SMARCA2: variants seen among roughly 807,000 people sequenced by gnomAD.
SMARCA2 encodes SWI/SNF-related matrix-associated actin-dependent regulator of chromatin subfamily A member 2.
Under a neutral mutation model 199.8 loss-of-function variants are expected in SMARCA2, and 61 were observed. The ratio of observed to expected loss-of-function variants is 0.31; its 90% CI spans 0.25 to 0.38. The LOEUF is 0.38. Among genes scored for constraint, SMARCA2 ranks in the 10% least tolerant of loss-of-function variants. The pLI, the probability that SMARCA2 is intolerant of heterozygous loss-of-function variation, is 1.00. For synonymous variants in SMARCA2, 935 were observed against 732.0 expected (o/e 1.28, Z -4.48); for missense variants, 1,344 against 2,012.2 (o/e 0.67, Z 6.35).
chr9:2,097,491 T>C lies in SMARCA2; in HGVS notation c.3078+20T>C. The C allele has an allele frequency of 6.7e-7, 1 of 1,491,124 alleles. No individual in the cohort carries two copies. The highest frequency in any genetic ancestry group is 9.3e-7 in the Non-Finnish European group (1 of 1,072,174). 92.4% of individuals were successfully genotyped at this position (1,491,124 alleles called of 1,614,324 possible). A position where few individuals can be genotyped will look rare whatever the true frequency, so the allele number is the denominator to read the frequency against. On this transcript the variant is annotated intron_variant, in intron 21 of 33. Transcript: ENST00000349721. ...ATTGAGGTAAGTCTGTATTGTGTGT[T>C]TTGAGCCTGATTGTGCTAATCATAC...
At chr9:2,143,433 T>C (rs1243511481) in intron 27 of SMARCA2, among the ~76,000 whole-genome samples, 2 of 152,186 alleles carry the variant, frequency 1.3e-5, no homozygotes, top group African/African-American at 4.8e-5. Context: ...GATGTGTCCC[T>C]CTGTTTAAGC....
intron 27 of SMARCA2, among the ~76,000 whole-genome samples, chr9:2,142,034 G>A (rs747809243): frequency 1.3e-5 from 2 of 152,110 alleles, no homozygotes; most frequent in Non-Finnish European, 2.9e-5. Context: ...GCCCCTTAGT[G>A]GACTTCCTTC....
chr9:2,094,404 C>G (rs1227938839), intron 19 of SMARCA2, among the ~76,000 whole-genome samples: 4 of 152,192 alleles, frequency 2.6e-5, no homozygotes, highest in Admixed American at 2.0e-4. Context: ...TCCTTCACCT[C>G]CAGCCCTTAG....
At chr9:2,176,183 T>TTTTTTTTTTTTTTG (rs1491564466) in intron 29 of SMARCA2, among the ~76,000 whole-genome samples, 4 of 88,452 alleles carry the variant, frequency 4.5e-5, no homozygotes, top group African/African-American at 2.8e-4. Context: ...GCCCGGCCTG[T>TTTTTTTTTTTTTTG]TTTTTTTTTT....
At chr9:2,073,946 A>G (rs1214772807) in intron 12 of SMARCA2, among the ~76,000 whole-genome samples, 1 of 152,190 alleles carries the variant, frequency 6.6e-6, no homozygotes, top group Non-Finnish European at 1.5e-5. Context: ...TTACCTTGGG[A>G]AAGGCCATAC....
chr9:2,136,617 G>C (rs1586742061), intron 27 of SMARCA2, among the ~76,000 whole-genome samples: 1 of 152,220 alleles, frequency 6.6e-6, no homozygotes, highest in Non-Finnish European at 1.5e-5. Context: ...GATTGGCCTG[G>C]GGAAAGCAGT....
Position 2,045,521 on chromosome 9 carries a change from T to C in SMARCA2, c.791-1708T>C, listed in dbSNP as rs559786502. On this transcript the variant is annotated intron_variant, in intron 4 of 33. Transcript: ENST00000349721. ...ACCCTGAGACTTAATATTTACAAATTGGTTTCTTATATATGGATGAAAGGA... is the reference window on the plus strand; with the variant it reads ...ACCCTGAGACTTAATATTTACAAATCGGTTTCTTATATATGGATGAAAGGA... The C allele has an allele frequency of 2.6e-5, 4 of 152,314 alleles. No homozygotes were observed. The South Asian group carries it at 8.3e-4, about 32-fold the overall frequency. 9.4% of individuals were successfully genotyped at this position (152,314 alleles called of 1,614,324 possible). A position where few individuals can be genotyped will look rare whatever the true frequency, so the allele number is the denominator to read the frequency against.
chr9:2,074,227 A>T (rs1821221052), intron 12 of SMARCA2, among the ~76,000 whole-genome samples: 1 of 151,988 alleles, frequency 6.6e-6, no homozygotes, highest in Admixed American at 6.6e-5. Context: ...AATCTTGGGT[A>T]TTTTTAATAG....
intron 21 of SMARCA2, among the ~76,000 whole-genome samples, chr9:2,100,800 G>A (rs1183879719): frequency 6.6e-6 from 1 of 151,964 alleles, no homozygotes; most frequent in Non-Finnish European, 1.5e-5. Context: ...AATACATATT[G>A]TATTAGTCCA....
chr9:2,187,905 T>C (rs866032554), intron 32 of SMARCA2, among the ~76,000 whole-genome samples: 8 of 152,006 alleles, frequency 5.3e-5, no homozygotes, highest in Middle Eastern at 3.2e-3. Context: ...ATATTCATAA[T>C]AAGTACAAAA....
chr9:2,099,449 C>T (rs1028115488), intron 21 of SMARCA2, among the ~76,000 whole-genome samples: 1 of 152,058 alleles, frequency 6.6e-6, no homozygotes, highest in African/African-American at 2.4e-5. Context: ...CCATGCTGGG[C>T]TAAGTAGGGA....
intron 19 of SMARCA2, among the ~76,000 whole-genome samples, chr9:2,095,571 C>T (rs1376111677): frequency 6.6e-6 from 1 of 152,168 alleles, no homozygotes; most frequent in Non-Finnish European, 1.5e-5. Flanking sequence ...TTACACTTCT[C>T]ACCTTTTCTG....
rs1198484761 is a variant in SMARCA2, at chr9:2,017,477, C to A, written c.-37+2073C>A. On this transcript the variant is annotated intron_variant, in intron 1 of 33. Coordinates refer to ENST00000349721, the MANE Select transcript of SMARCA2 (RefSeq NM_003070.5). This position sits in a 1 kb window ranked among gnomAD's most constrained non-coding sequence, Gnocchi z 8.8. ...CAGCTGCTCCTGCCCGCACCCTCCCCTGGAGCCCGGGGAGGACAAGGCGAG... is the reference window on the plus strand; with the variant it reads ...CAGCTGCTCCTGCCCGCACCCTCCCATGGAGCCCGGGGAGGACAAGGCGAG... 1 of 152,634 alleles carries A rather than the reference C, an allele frequency of 6.6e-6. No individual in the cohort carries two copies. Among genetic ancestry groups the A allele is most frequent in the African/African-American group, 2.4e-5 (1 of 41,392 alleles). The allele number at this position is 152,634 out of a possible 1,614,324, so 9.5% of individuals were successfully genotyped here.
chr9:2,105,286 C>T (rs1586710171), intron 23 of SMARCA2, among the ~76,000 whole-genome samples: 1 of 151,926 alleles, frequency 6.6e-6, no homozygotes, highest in South Asian at 2.1e-4. Context: ...CACTCTGTCA[C>T]CCAGGCTGGA....
intron 14 of SMARCA2, among the ~76,000 whole-genome samples, chr9:2,078,796 T>A (rs1161275029): frequency 6.6e-6 from 1 of 151,784 alleles, no homozygotes; most frequent in Non-Finnish European, 1.5e-5. Context: ...CACAAAAAAA[T>A]TAGCTGGGTG....
chr9:2,074,573 A>G (rs1292113042), intron 12 of SMARCA2, among the ~76,000 whole-genome samples: 4 of 152,376 alleles, frequency 2.6e-5, no homozygotes, highest in South Asian at 2.1e-4. Flanking sequence ...ATAATCATTA[A>G]AAAGCAAACA....
chr9:2,189,333 T>A (rs1827716093), intron 32 of SMARCA2, among the ~76,000 whole-genome samples: 1 of 152,116 alleles, frequency 6.6e-6, no homozygotes, highest in South Asian at 2.1e-4. Context: ...CAGGTGGGTT[T>A]TTTGGAGAGA....
At chr9:2,049,185 C>T (rs1206614388) in intron 5 of SMARCA2, among the ~76,000 whole-genome samples, 1 of 152,064 alleles carries the variant, frequency 6.6e-6, no homozygotes, top group African/African-American at 2.4e-5. Flanking sequence ...GACTTCTTTC[C>T]CTTATTCAGC....
intron 29 of SMARCA2, among the ~76,000 whole-genome samples, chr9:2,172,809 C>T (rs1244373917): frequency 6.6e-6 from 1 of 151,934 alleles, no homozygotes; most frequent in African/African-American, 2.4e-5. Flanking sequence ...GAGGTGACAC[C>T]CAGGGAGCCG....
Sources: allele counts gnomAD v4.1 joint callset (sites outside exome capture counted in the v4.1 genomes callset), GRCh38; gene constraint gnomAD v4.1.1; non-coding constraint Gnocchi (gnomAD v3.1); transcripts MANE v1.5; gene names NCBI Gene and HGNC (gene_info 2026-07-23, HGNC 2026-07-21).